ARRB1: variants seen among roughly 807,000 people sequenced by gnomAD.
ARRB1 encodes the protein arrestin beta 1.
ARRB1 carries 21 observed loss-of-function variants against 56.8 expected under a neutral mutation model. The ratio of observed to expected loss-of-function variants is 0.37; its 90% CI spans 0.26 to 0.53. The LOEUF is 0.53. Among genes scored for constraint, ARRB1 ranks in the 20% least tolerant of loss-of-function variants. The pLI is 0.88. For synonymous variants in ARRB1, 210 were observed against 218.6 expected (o/e 0.96, Z 0.35); for missense variants, 424 against 553.7 (o/e 0.77, Z 2.35).
At position 75,261,183 on chromosome 11, in the gene ARRB1, T is replaced by C. The variant is rs1260932525; in HGVS notation, c.*4980A>G. 1.1e-4 allele frequency: 1 copy of C among 9,412 alleles called. No homozygotes were observed. Among genetic ancestry groups the C allele is most frequent in the African/African-American group, 1.8e-4 (1 of 5,570 alleles). 0.6% of individuals were successfully genotyped at this position (9,412 alleles called of 1,614,324 possible). On this transcript the variant is annotated 3_prime_UTR_variant, in exon 16 of 16. Coordinates refer to ENST00000420843, the MANE Select transcript of ARRB1 (RefSeq NM_004041.5). ...CTAGAAAAACCATCAACTATGTACG[T>C]GTGTGTGTGTGTGTGTGTGTGTGTG...
intron 1 of ARRB1, among the ~76,000 whole-genome samples, chr11:75,296,117 C>T (rs1396720949): frequency 7.4e-6 from 1 of 135,856 alleles, no homozygotes; most frequent in Non-Finnish European, 1.5e-5. Context: ...ACCCGGGAGG[C>T]AGAGGTTACA....
At chr11:75,283,591 G>C in intron 4 of ARRB1, 108 bp from the exon 5 acceptor site, 1 of 1,109,698 alleles carries the variant, frequency 9.0e-7, no homozygotes, top group Middle Eastern at 3.1e-4. Context: ...CCCCAAGCCT[G>C]TCCCAAGCTC....
At chr11:75,335,368 C>T (rs546297345) in intron 1 of ARRB1, among the ~76,000 whole-genome samples, 2 of 152,084 alleles carry the variant, frequency 1.3e-5, no homozygotes, top group South Asian at 2.1e-4. Context: ...GAGGATTGCT[C>T]GAGCCCAGGA....
At chr11:75,341,830 G>T (rs1247258999) in intron 1 of ARRB1, among the ~76,000 whole-genome samples, 1 of 152,224 alleles carries the variant, frequency 6.6e-6, no homozygotes, top group African/African-American at 2.4e-5. Context: ...GGGGAGCCAG[G>T]TGGGCAGACT....
At chr11:75,318,902 C>T (rs146293962) in intron 1 of ARRB1, among the ~76,000 whole-genome samples, 1 of 152,054 alleles carries the variant, frequency 6.6e-6, no homozygotes, top group Non-Finnish European at 1.5e-5. Flanking sequence ...AAATGGCCAG[C>T]CCTACTAAGA....
chr11:75,342,829 C>A (rs998338013), intron 1 of ARRB1, among the ~76,000 whole-genome samples: 1 of 152,198 alleles, frequency 6.6e-6, no homozygotes, highest in Admixed American at 6.5e-5. Context: ...GGGAATGAGC[C>A]GCCAATCCCC....
chr11:75,283,230 A>C (rs1946388815), intron 5 of ARRB1, 57 bp downstream of exon 5: 11 of 1,534,444 alleles, frequency 7.2e-6, no homozygotes, highest in Non-Finnish European at 7.9e-6. Flanking sequence ...CCCACCCCAG[A>C]GGGCTTCCTA....
chr11:75,279,561 TACTA>T (rs377751967), intron 7 of ARRB1, among the ~76,000 whole-genome samples: 1 of 152,234 alleles, frequency 6.6e-6, no homozygotes, highest in Non-Finnish European at 1.5e-5. Flanking sequence ...GCTCTCCTCT[TACTA>T]ACTATGTGGC....
chr11:75,285,150 CAT>C (rs1471874635), intron 3 of ARRB1, among the ~76,000 whole-genome samples: 1 of 152,238 alleles, frequency 6.6e-6, no homozygotes, highest in Non-Finnish European at 1.5e-5. Context: ...GGGCTTGGCA[CAT>C]GTGGATTGGG....
At chr11:75,325,844 A>T (rs1025972200) in intron 1 of ARRB1, among the ~76,000 whole-genome samples, 1 of 152,082 alleles carries the variant, frequency 6.6e-6, no homozygotes, top group African/African-American at 2.4e-5. Flanking sequence ...GACCTCTGAG[A>T]TCCCTTCTGG....
intron 13 of ARRB1, 65 bp downstream of exon 13, chr11:75,271,636 G>T: frequency 6.6e-7 from 1 of 1,506,428 alleles, no homozygotes; most frequent in South Asian, 1.2e-5. Flanking sequence ...ATTCTGGTCA[G>T]TCAAGCCAAT....
intron 1 of ARRB1, among the ~76,000 whole-genome samples, chr11:75,304,322 C>T (rs1372119319): frequency 6.6e-6 from 1 of 151,964 alleles, no homozygotes; most frequent in Non-Finnish European, 1.5e-5. Context: ...ACTCTGTGTC[C>T]ACTGCTCTGT....
intron 13 of ARRB1, among the ~76,000 whole-genome samples, chr11:75,269,505 C>A (rs1946024581): frequency 6.6e-6 from 1 of 152,170 alleles, no homozygotes; most frequent in African/African-American, 2.4e-5. Context: ...TTTAGGATGG[C>A]CCCAGGGCCC....
At chr11:75,341,789 C>T (rs999678977) in intron 1 of ARRB1, among the ~76,000 whole-genome samples, 2 of 152,230 alleles carry the variant, frequency 1.3e-5, no homozygotes, top group Admixed American at 1.3e-4. Context: ...GTCCCAAAGA[C>T]AGGACCAAGG....
chr11:75,310,847 G>C (rs1318335743), intron 1 of ARRB1, among the ~76,000 whole-genome samples: 2 of 152,178 alleles, frequency 1.3e-5, no homozygotes, highest in Non-Finnish European at 2.9e-5. Context: ...ACTGACATGT[G>C]GCAACTTTGT....
Position 75,274,118 on chromosome 11 carries a change from G to A in ARRB1, c.870C>T (p.Asp290=), listed in dbSNP as rs770962782. ...NNREKRGLAL[D]GKLKHEDTNL... ...TCGTGTCTTCGTGCTTGAGCTTCCCGTCCAAGGCGAGGCCCCGCTTCTCTC... is the reference window on the plus strand; with the variant it reads ...TCGTGTCTTCGTGCTTGAGCTTCCCATCCAAGGCGAGGCCCCGCTTCTCTC... The change falls in exon 11 of 16, where the codon GAC becomes GAT. Residue 290 remains aspartate (D), a synonymous_variant. Transcript: ENST00000420843. 77 of 1,614,072 alleles carry A rather than the reference G, an allele frequency of 4.8e-5. No homozygotes were observed. The highest frequency in any genetic ancestry group is 1.6e-4 in the Middle Eastern group (1 of 6,084).
At position 75,278,865 on chromosome 11, in the gene ARRB1, C is replaced by G. The variant is rs1591906650; in HGVS notation, c.483-121G>C. The stretch of plus-strand genomic sequence containing the variant: ...GCATGGCTCTCCATCACCTTAGAAT[C>G]CAGCCAAACTGCAGAGATCAGCATA... On this transcript the variant is annotated intron_variant, in intron 7 of 15. Coordinates refer to ENST00000420843, the MANE Select transcript of ARRB1 (RefSeq NM_004041.5). The G allele has an allele frequency of 2.9e-6, 4 of 1,359,966 alleles. No homozygotes were observed. In the East Asian group the frequency reaches 9.4e-5, roughly 32 times the overall value. 84.2% of individuals were successfully genotyped at this position (1,359,966 alleles called of 1,614,324 possible). A position where few individuals can be genotyped will look rare whatever the true frequency, so the allele number is the denominator to read the frequency against.
chr11:75,299,832 C>A (rs1946854012), intron 1 of ARRB1, among the ~76,000 whole-genome samples: 1 of 152,060 alleles, frequency 6.6e-6, no homozygotes, highest in African/African-American at 2.4e-5. Flanking sequence ...AGTAGGTGCT[C>A]AATAAATAAA....
At position 75,271,567 on chromosome 11, in the gene ARRB1, C is replaced by T. The variant is rs1946074045; in HGVS notation, c.1022+134G>A. ...AGGAGAAATTGTGTCTCCCAGCTCA[C>T]ACCTGAACCTGGCTATCTGAAATGA... On this transcript the variant is annotated intron_variant, in intron 13 of 15. Transcript: ENST00000420843. The T allele has an allele frequency of 3.0e-6, 3 of 993,716 alleles. No individual in the cohort carries two copies. The South Asian group carries it at 5.4e-5, about 18-fold the overall frequency. 61.6% of individuals were successfully genotyped at this position (993,716 alleles called of 1,614,324 possible).
Sources: gnomAD v4.1 joint callset for allele counts (sites outside exome capture counted in the v4.1 genomes callset) on GRCh38, gnomAD v4.1.1 for gene constraint, MANE v1.5 for transcripts, NCBI Gene and HGNC (gene_info 2026-07-23, HGNC 2026-07-21) for gene names.